DNAAF10: variants seen among roughly 807,000 people sequenced by gnomAD.
DNAAF10 encodes the protein dynein axonemal assembly factor 10, also known as WD repeat domain 92.
A neutral mutation model predicts 43.7 loss-of-function variants in DNAAF10; 28 were observed. The observed-to-expected ratio is 0.64, with a 90% CI of 0.48 to 0.88. The LOEUF (loss-of-function observed/expected upper bound fraction) is 0.88, where lower values mean the gene tolerates loss of function less well. Among genes scored for constraint, DNAAF10 ranks in the 40% least tolerant of loss-of-function variants. The pLI is 0.00. For missense variants in DNAAF10, 403 were observed against 439.1 expected, an observed-to-expected ratio of 0.92 and a Z score of 0.73; for synonymous variants, 156 against 157.3, an observed-to-expected ratio of 0.99 and a Z score of 0.06.
At chr2:68,155,662 C>T (rs1008114818) in intron 1 of DNAAF10, among the ~76,000 whole-genome samples, 12 of 151,900 alleles carry the variant, frequency 7.9e-5, no homozygotes, top group Non-Finnish European at 1.3e-4. Context: ...CACTGCACTC[C>T]GGACTGGGAC....
rs1261145062 is a variant in DNAAF10, at chr2:68,130,217, A to G, written c.*1021T>C. The G allele has an allele frequency of 2.1e-5, 3 of 144,850 alleles. No homozygotes were observed. The highest frequency in any genetic ancestry group is 1.4e-4 in the Admixed American group (2 of 14,260). 9.0% of individuals were successfully genotyped at this position (144,850 alleles called of 1,614,324 possible). ...GCAATCTCAGCTCACTGCAATCTCC[A>G]CCTCCTGGGTTCAAGTGATTCTCCT... On this transcript the variant is annotated 3_prime_UTR_variant, in exon 8 of 8. Coordinates refer to ENST00000295121, the MANE Select transcript of DNAAF10 (RefSeq NM_138458.4).
chr2:68,134,153 A>G (rs1221424939), intron 7 of DNAAF10: 4 of 985,084 alleles, frequency 4.1e-6, no homozygotes, highest in Non-Finnish European at 4.8e-6. Flanking sequence ...GCCAACCCTG[A>G]GCAATGATAT....
At chr2:68,151,258 C>G (rs1402539736) in intron 1 of DNAAF10, among the ~76,000 whole-genome samples, 2 of 152,176 alleles carry the variant, frequency 1.3e-5, no homozygotes, top group Non-Finnish European at 2.9e-5. Context: ...TCCAGCCACA[C>G]CAGACAGCTT....
At position 68,138,779 on chromosome 2, in the gene DNAAF10, T is replaced by C. The variant is rs376459490; in HGVS notation, c.596A>G (p.Asn199Ser). The change falls in exon 5 of 8, where the codon AAT becomes AGT. Residue 199 changes from asparagine (N) to serine (S), a missense_variant. By Grantham distance (46) the Asn-to-Ser change is conservative (BLOSUM62 1). Coordinates refer to ENST00000295121, the MANE Select transcript of DNAAF10 (RefSeq NM_138458.4). Reference sequence around the variant, plus strand: ...GTTTGTCTCCCACCGTAATGCCATATTTCTGAGATCAAATAGTTTGATATC... The same window carrying C: ...GTTTGTCTCCCACCGTAATGCCATACTTCTGAGATCAAATAGTTTGATATC... ...NGDIKLFDLR[N>S]MALRWETNIK... The C allele has an allele frequency of 6.2e-5, 100 of 1,614,166 alleles. No homozygotes were observed. The highest frequency in any genetic ancestry group is 3.3e-4 in the Middle Eastern group (2 of 6,062).
At chr2:68,148,181 A>G (rs1411996990) in intron 1 of DNAAF10, among the ~76,000 whole-genome samples, 2 of 152,214 alleles carry the variant, frequency 1.3e-5, no homozygotes, top group African/African-American at 4.8e-5. Context: ...TATTTAACGT[A>G]TGGGGTTTAT....
intron 2 of DNAAF10, among the ~76,000 whole-genome samples, chr2:68,146,186 C>T (rs1447165060): frequency 1.3e-5 from 2 of 152,086 alleles, no homozygotes; most frequent in African/African-American, 4.8e-5. Context: ...CACTTGAAAC[C>T]GGGAGGTGGA....
intron 1 of DNAAF10, among the ~76,000 whole-genome samples, chr2:68,152,960 C>T (rs561440886): frequency 3.9e-5 from 6 of 152,240 alleles, no homozygotes; most frequent in Admixed American, 3.9e-4. Flanking sequence ...GCTAAAAAAG[C>T]AGAATTTTAT....
chr2:68,150,153 T>C (rs1673418202), intron 1 of DNAAF10, among the ~76,000 whole-genome samples: 1 of 152,166 alleles, frequency 6.6e-6, no homozygotes, highest in South Asian at 2.1e-4. Context: ...TTTGGTTCCC[T>C]ACAGTCTTCT....
intron 6 of DNAAF10, 79 bp downstream of exon 6, chr2:68,137,220 C>T: frequency 1.4e-6 from 2 of 1,442,964 alleles, no homozygotes; most frequent in South Asian, 1.6e-5. Flanking sequence ...CTGGAAGAAA[C>T]CTTGGTGACT....
At chr2:68,152,471 T>C (rs1262789691) in intron 1 of DNAAF10, among the ~76,000 whole-genome samples, 3 of 152,304 alleles carry the variant, frequency 2.0e-5, no homozygotes, top group Non-Finnish European at 2.9e-5. Flanking sequence ...GAAATAATAA[T>C]AATAGCTAAA....
At chr2:68,147,351 A>T in intron 2 of DNAAF10, 116 bp downstream of exon 2, 1 of 725,584 alleles carries the variant, frequency 1.4e-6, no homozygotes, top group Non-Finnish European at 2.2e-6. Context: ...TTTTATAGTT[A>T]AAATGGAACA....
chr2:68,141,722 G>C lies in DNAAF10; in HGVS notation c.489C>G (p.Asn163Lys), dbSNP rs1486057147. 2 of 1,613,920 alleles carry C rather than the reference G, an allele frequency of 1.2e-6. No individual in the cohort carries two copies. The highest frequency in any genetic ancestry group is 1.7e-6 in the Non-Finnish European group (2 of 1,179,992). Reference sequence around the variant, plus strand: ...ATGCCACAGTCCAACAGTCTCTCTTGTTTTCTCCTTGTACAGGTTCCATAT... The same window carrying C: ...ATGCCACAGTCCAACAGTCTCTCTTCTTTTCTCCTTGTACAGGTTCCATAT... ...VANMEPVQGE[N>K]KRDCWTVAFG... Residue 163 changes from asparagine to lysine, a missense_variant, in exon 4 of 8, where the codon AAC becomes AAG. Physicochemically the swap from Asn to Lys is moderately conservative, Grantham distance 94 (BLOSUM62 0). Transcript: ENST00000295121.
chr2:68,141,652 A>G, intron 4 of DNAAF10, 42 bp downstream of exon 4: 1 of 1,576,878 alleles, frequency 6.3e-7, no homozygotes, highest in Non-Finnish European at 8.7e-7. Context: ...CGTGCTTTTT[A>G]CCATCTGATA....
Position 68,131,032 on chromosome 2 carries a change from C to T in DNAAF10, c.*206G>A. ...CCGGGTTCACGCCATTCTCCTGCCTCAGCCTCCCAAGTAGCTAGGACTACA... is the reference window on the plus strand; with the variant it reads ...CCGGGTTCACGCCATTCTCCTGCCTTAGCCTCCCAAGTAGCTAGGACTACA... On this transcript the variant is annotated 3_prime_UTR_variant, in exon 8 of 8. Transcript: ENST00000295121. The T allele has an allele frequency of 2.4e-6, 1 of 422,704 alleles. No individual in the cohort carries two copies. The highest frequency in any genetic ancestry group is 2.4e-5 in the South Asian group (1 of 41,390). 26.2% of individuals were successfully genotyped at this position (422,704 alleles called of 1,614,324 possible).
chr2:68,141,089 C>A (rs1558608925), intron 4 of DNAAF10, among the ~76,000 whole-genome samples: 1 of 152,118 alleles, frequency 6.6e-6, no homozygotes, highest in Non-Finnish European at 1.5e-5. Flanking sequence ...GGACATAGAT[C>A]CAAACCATAT....
intron 1 of DNAAF10, among the ~76,000 whole-genome samples, chr2:68,150,694 C>G (rs957995512): frequency 2.6e-5 from 4 of 151,996 alleles, no homozygotes; most frequent in African/African-American, 9.7e-5. Context: ...GATCACACCA[C>G]CGCACTCCAG....
chr2:68,147,607 A>G, intron 1 of DNAAF10, 40 bp from the exon 2 acceptor site: 2 of 1,452,702 alleles, frequency 1.4e-6, no homozygotes, highest in Non-Finnish European at 1.9e-6. Context: ...TTATTTATGT[A>G]AGCAGATATT....
intron 2 of DNAAF10, 32 bp downstream of exon 2, chr2:68,147,435 C>T: frequency 1.3e-6 from 2 of 1,516,252 alleles, no homozygotes; most frequent in Non-Finnish European, 9.1e-7. Context: ...TTGCCTATCT[C>T]ATCTGTCTGA....
chr2:68,131,513 C>T, intron 7 of DNAAF10, 68 bp from the exon 8 acceptor site: 1 of 1,435,906 alleles, frequency 7.0e-7, no homozygotes, highest in Non-Finnish European at 9.7e-7. Flanking sequence ...TTTATACATA[C>T]ACTTCAATGA....
Sources: allele counts gnomAD v4.1 joint callset (sites outside exome capture counted in the v4.1 genomes callset), GRCh38; gene constraint gnomAD v4.1.1; transcripts MANE v1.5; gene names NCBI Gene and HGNC (gene_info 2026-07-23, HGNC 2026-07-21).